Variants in NLRP5 observed in about 807,000 individuals in gnomAD.
NLRP5 encodes the protein NACHT, LRR and PYD domains-containing protein 5.
In NLRP5, 93 loss-of-function variants were observed where a neutral mutation model predicts 113.1. The observed-to-expected ratio is 0.82, with a 90% confidence interval of 0.70 to 0.98. The LOEUF is 0.98. NLRP5 is among the 50% of genes least tolerant of loss of function. The probability of loss-of-function intolerance (pLI) is 0.00; values close to 1 mark genes in which losing one functional copy is unlikely to be tolerated. For synonymous variants in NLRP5, 751 were observed against 600.7 expected (o/e 1.25, Z -3.66); for missense variants, 1,808 against 1,514.3 (o/e 1.19, Z -3.22).
chr19:55,997,314 A>ATGGGGAATGATCTTTT (rs1350591616), upstream of NLRP5, among the ~76,000 whole-genome samples: 1 of 152,122 alleles, frequency 6.6e-6, no homozygotes, highest in African/African-American at 2.4e-5. Flanking sequence ...CCACTTCATC[A>ATGGGGAATGATCTTTT]TGGGGAATGA....
chr19:55,987,049 G>A, the NLRP5 span, among the ~76,000 whole-genome samples: 1 of 152,238 alleles, frequency 6.6e-6, no homozygotes, highest in South Asian at 2.1e-4. Flanking sequence ...TAAGTCTCTC[G>A]TCCTTTTCAG....
Position 56,006,941 on chromosome 19 carries a change from T to G in NLRP5, c.443-1847T>G, listed in dbSNP as rs56279415. Among the ~76,000 whole-genome samples the G allele has an allele frequency of 1.2e-3, 183 of 150,130 alleles. 1 individual carries two copies. In the East Asian group the frequency reaches 0.022, roughly 18 times the overall value. The stretch of plus-strand genomic sequence containing the variant: ...TTTTTAGTAGAGAAGGGGTTTCACC[T>G]TGTTAGCCAGGATGGTCTCGATCTC... On this transcript the variant is annotated intron_variant, in intron 2 of 14. Transcript: ENST00000390649.
chr19:55,998,712 G>GACA (rs1568478303), upstream of NLRP5, among the ~76,000 whole-genome samples: 1 of 104,536 alleles, frequency 9.6e-6, no homozygotes, highest in Admixed American at 9.6e-5. Flanking sequence ...ATGTGTGTGT[G>GACA]TGTATATATA....
chr19:55,990,079 CTTTTTTTTTTTTTTT>C, the NLRP5 span, among the ~76,000 whole-genome samples: 1 of 95,958 alleles, frequency 1.0e-5, no homozygotes, highest in Non-Finnish European at 2.0e-5. Flanking sequence ...TTTCTTTTTT[CTTTTTTTTTTTTTTT>C]TTTTTTTTTT....
intron 11 of NLRP5, among the ~76,000 whole-genome samples, chr19:56,042,818 T>G (rs1476785917): frequency 6.6e-6 from 1 of 152,350 alleles, no homozygotes; most frequent in East Asian, 1.9e-4. Flanking sequence ...CCTCATAGCT[T>G]AGCTCCCACA....
chr19:56,055,563 T>TTTA (rs71981818), intron 13 of NLRP5, among the ~76,000 whole-genome samples: 2 of 116,806 alleles, frequency 1.7e-5, no homozygotes, highest in Non-Finnish European at 3.5e-5. Flanking sequence ...TTTTTTTTTT[T>TTTA]AAGATAGAGT....
intron 14 of NLRP5, 141 bp from the exon 15 acceptor site, chr19:56,061,255 A>T: frequency 1.3e-6 from 1 of 749,142 alleles, no homozygotes; most frequent in Non-Finnish European, 2.0e-6. Context: ...TTTGTTAGTC[A>T]TTGGTTTAAC....
intron 2 of NLRP5, among the ~76,000 whole-genome samples, chr19:56,006,402 T>C (rs1201599026): frequency 1.3e-5 from 2 of 150,618 alleles, no homozygotes; most frequent in Admixed American, 1.3e-4. Flanking sequence ...TGTGCACATG[T>C]ACCCTAGAAC....
chr19:55,996,820 A>G (rs967258793), upstream of NLRP5, among the ~76,000 whole-genome samples: 3 of 152,154 alleles, frequency 2.0e-5, no homozygotes, highest in Admixed American at 1.3e-4. Flanking sequence ...CTTTATAGCA[A>G]CATGATTTAT....
intron 7 of NLRP5, among the ~76,000 whole-genome samples, chr19:56,030,230 C>T (rs900795717): frequency 5.3e-5 from 8 of 151,756 alleles, no homozygotes; most frequent in African/African-American, 1.2e-4. Flanking sequence ...ATTAGTGGGG[C>T]GTGGTGGTGG....
the NLRP5 span, among the ~76,000 whole-genome samples, chr19:55,993,076 C>T: frequency 7.9e-5 from 12 of 151,498 alleles, no homozygotes; most frequent in South Asian, 4.2e-4. Context: ...CTTGAACTCC[C>T]GACCTCAGGT....
At chr19:55,990,199 C>T in the NLRP5 span, among the ~76,000 whole-genome samples, 9,050 of 149,554 alleles carry the variant, frequency 0.061, 304 homozygotes, top group Middle Eastern at 0.097. Context: ...AGCGATTCTC[C>T]TGCCTCAGCC....
At chr19:56,024,402 G>T (rs10417889) in intron 6 of NLRP5, among the ~76,000 whole-genome samples, 2 of 126,112 alleles carry the variant, frequency 1.6e-5, no homozygotes, top group Non-Finnish European at 3.3e-5. Context: ...ATACATATAT[G>T]TACATATATG....
intron 14 of NLRP5, among the ~76,000 whole-genome samples, chr19:56,058,880 A>G (rs1356041200): frequency 1.3e-5 from 2 of 152,238 alleles, no homozygotes; most frequent in African/African-American, 4.8e-5. Flanking sequence ...ATGGAATTGT[A>G]TTCAGTCTCA....
At chr19:56,042,359 G>T (rs896889986) in intron 11 of NLRP5, among the ~76,000 whole-genome samples, 2 of 152,000 alleles carry the variant, frequency 1.3e-5, no homozygotes, top group Non-Finnish European at 2.9e-5. Context: ...TTCTTGTTGT[G>T]TTTTGAGACA....
chr19:56,036,760 C>T (rs1047157721), intron 9 of NLRP5, among the ~76,000 whole-genome samples: 3 of 152,108 alleles, frequency 2.0e-5, no homozygotes, highest in Non-Finnish European at 2.9e-5. Context: ...AGATCAAGAC[C>T]AGCCTGGCCA....
chr19:56,001,821 C>T (rs1211878770), intron 1 of NLRP5, among the ~76,000 whole-genome samples: 1 of 152,188 alleles, frequency 6.6e-6, no homozygotes, highest in Non-Finnish European at 1.5e-5. Context: ...CAATGACAAG[C>T]TGCTGTCTAC....
chr19:56,005,920 A>T (rs900909150), intron 2 of NLRP5, among the ~76,000 whole-genome samples: 1 of 152,222 alleles, frequency 6.6e-6, no homozygotes, highest in South Asian at 2.1e-4. Context: ...GGATCTTACA[A>T]GATACATAAC....
the NLRP5 span, among the ~76,000 whole-genome samples, chr19:55,991,475 T>C: frequency 6.6e-6 from 1 of 152,308 alleles, no homozygotes; most frequent in Non-Finnish European, 1.5e-5. Context: ...AATCTGCCTC[T>C]GCCTCACCAC....
Sources: allele counts gnomAD v4.1 joint callset (sites outside exome capture counted in the v4.1 genomes callset), GRCh38; gene constraint gnomAD v4.1.1; transcripts MANE v1.5; gene names NCBI Gene and HGNC (gene_info 2026-07-23, HGNC 2026-07-21).